The following MORC2 variants were observed in gnomAD, a reference collection of about 807,000 sequenced individuals.
MORC2 encodes MORC family CW-type zinc finger 2, also known as ATPase MORC2.
In MORC2, 30 loss-of-function variants were observed where a neutral mutation model predicts 136.0. The observed-to-expected ratio is 0.22, with a 90% CI of 0.17 to 0.30. The LOEUF is 0.30. Among genes scored for constraint, MORC2 ranks in the 10% least tolerant of loss-of-function variants. The pLI is 1.00. For missense variants in MORC2, 922 were observed against 1,333.1 expected, an observed-to-expected ratio of 0.69 and a Z score of 4.80; for synonymous variants, 439 against 487.0, an observed-to-expected ratio of 0.90 and a Z score of 1.30.
At chr22:30,949,550 G>A (rs1466600946) in intron 5 of MORC2, among the ~76,000 whole-genome samples, 1 of 152,200 alleles carries the variant, frequency 6.6e-6, no homozygotes, top group Middle Eastern at 3.2e-3. Flanking sequence ...GTTTTTGGAT[G>A]TTCATACTTT....
chr22:30,933,228 A>G (rs1436421667), intron 21 of MORC2, among the ~76,000 whole-genome samples, 198 bp from the exon 22 acceptor site: 1 of 152,172 alleles, frequency 6.6e-6, no homozygotes, highest in Non-Finnish European at 1.5e-5. Flanking sequence ...GGTGCCAAAA[A>G]GCAGGAGAAC....
chr22:30,962,093 G>C (rs2041055022), intron 1 of MORC2, among the ~76,000 whole-genome samples: 1 of 151,944 alleles, frequency 6.6e-6, no homozygotes, highest in Non-Finnish European at 1.5e-5. Flanking sequence ...AACTACTTGA[G>C]AGGCTGAGGC....
chr22:30,931,197 C>T (rs2040571206), intron 24 of MORC2, among the ~76,000 whole-genome samples: 1 of 152,232 alleles, frequency 6.6e-6, no homozygotes, highest in African/African-American at 2.4e-5. Context: ...CCAAATCACC[C>T]TCTTAGGGGA....
At position 30,941,164 on chromosome 22, in the gene MORC2, T is replaced by C. The variant is rs2040736708; in HGVS notation, c.824+269A>G. The stretch of plus-strand genomic sequence containing the variant: ...CCCCTTGGCCCTAAAGCCAAGAGAC[T>C]CAGACAGCTCACTGAGCCAGGCAGG... On this transcript the variant is annotated intron_variant, in intron 9 of 25. Transcript: ENST00000397641. The surrounding 1 kb of genome is among the most constrained non-coding windows in gnomAD (Gnocchi z 4.6). Among the ~76,000 whole-genome samples, 1 of 152,050 alleles carries C rather than the reference T, an allele frequency of 6.6e-6. No individual in the cohort carries two copies. The highest frequency in any genetic ancestry group is 2.1e-4 in the South Asian group (1 of 4,824).
intron 6 of MORC2, among the ~76,000 whole-genome samples, chr22:30,944,086 G>C (rs1388326589): frequency 6.6e-6 from 1 of 152,146 alleles, no homozygotes. Flanking sequence ...GAAGCTTTGT[G>C]CTGCAACTAT....
intron 24 of MORC2, among the ~76,000 whole-genome samples, chr22:30,931,761 T>C (rs575096106): frequency 1.3e-5 from 2 of 152,374 alleles, no homozygotes; most frequent in South Asian, 4.1e-4. Context: ...CAGCACTCGC[T>C]GCTCCTGCCC....
At position 30,926,521 on chromosome 22, in the gene MORC2, T is replaced by C. The variant is rs1168102869; in HGVS notation, c.*282A>G. The C allele has an allele frequency of 5.5e-6, 1 of 180,774 alleles. No individual in the cohort carries two copies. Among genetic ancestry groups the C allele is most frequent in the Non-Finnish European group, 9.2e-6 (1 of 109,152 alleles). The allele number at this position is 180,774 out of a possible 1,614,324, so 11.2% of individuals were successfully genotyped here. Reference sequence around the variant, plus strand: ...GCTTAGCAACCCAGTATGGCCAAAGTGGAAAGGTTCTCTGTCCTTTGCAGT... The same window carrying C: ...GCTTAGCAACCCAGTATGGCCAAAGCGGAAAGGTTCTCTGTCCTTTGCAGT... On this transcript the variant is annotated 3_prime_UTR_variant, in exon 26 of 26. Transcript: ENST00000397641.
intron 3 of MORC2, among the ~76,000 whole-genome samples, 160 bp from the exon 4 acceptor site, chr22:30,950,605 T>A (rs1026176281): frequency 6.6e-6 from 1 of 152,128 alleles, no homozygotes; most frequent in Non-Finnish European, 1.5e-5. Flanking sequence ...GTCCTTGAGG[T>A]TGCAAATTCC....
At chr22:30,928,251 G>T in intron 24 of MORC2, 44 bp from the exon 25 acceptor site, 1 of 1,607,216 alleles carries the variant, frequency 6.2e-7, no homozygotes, top group Non-Finnish European at 8.5e-7. Flanking sequence ...AGTTCACAGG[G>T]GTCCCCAGGG....
Position 30,941,352 on chromosome 22 carries a change from T to C in MORC2, c.824+81A>G, listed in dbSNP as rs1347534692. On this transcript the variant is annotated intron_variant, in intron 9 of 25. Transcript: ENST00000397641. The surrounding 1 kb of genome is among the most constrained non-coding windows in gnomAD (Gnocchi z 4.6). ...CACTGCCAGAGCCTCTTATACAGCA[T>C]CCCTCTAACAATGCCCCAGAGAAAC... 1 of 1,563,262 alleles carries C rather than the reference T, an allele frequency of 6.4e-7. No homozygotes were observed. Among genetic ancestry groups the C allele is most frequent in the Non-Finnish European group, 8.7e-7 (1 of 1,153,214 alleles).
In MORC2 at chr22:30,941,090, A is replaced by C. The variant is rs1320580419; in HGVS notation, c.825-253T>G. On this transcript the variant is annotated intron_variant, in intron 9 of 25. Transcript: ENST00000397641. This position sits in a 1 kb window ranked among gnomAD's most constrained non-coding sequence, Gnocchi z 4.6. Reference sequence around the variant, plus strand: ...GTCATTCATCCCACAGCAGAAACAAACCTCAGGAGTAAGCCAAGCCCACTG... The same window carrying C: ...GTCATTCATCCCACAGCAGAAACAACCCTCAGGAGTAAGCCAAGCCCACTG... Among the ~76,000 whole-genome samples the C allele has an allele frequency of 1.3e-5, 2 of 151,934 alleles. No individual in the cohort carries two copies. The highest frequency in any genetic ancestry group is 2.9e-5 in the Non-Finnish European group (2 of 67,982).
At chr22:30,967,218 T>G (rs1371312861) in intron 1 of MORC2, 1 of 986,078 alleles carries the variant, frequency 1.0e-6, no homozygotes, top group Non-Finnish European at 1.2e-6. Flanking sequence ...TCAAGAACCA[T>G]GAACACTGTA....
At chr22:30,967,443 T>C in intron 1 of MORC2, 4 of 995,434 alleles carry the variant, frequency 4.0e-6, no homozygotes, top group African/African-American at 1.7e-5. Flanking sequence ...TAAACCTAAC[T>C]GTTTAGGACG....
At chr22:30,953,238 A>G (rs1380202123) in intron 3 of MORC2, among the ~76,000 whole-genome samples, 4 of 152,232 alleles carry the variant, frequency 2.6e-5, no homozygotes, top group Non-Finnish European at 5.9e-5. Flanking sequence ...TTCTGGATAA[A>G]GAAGAGTCTA....
chr22:30,927,901 G>A, intron 25 of MORC2, 118 bp downstream of exon 25: 1 of 1,271,424 alleles, frequency 7.9e-7, no homozygotes. Flanking sequence ...TGCAGCCAGG[G>A]TGAGAACCAT....
In MORC2 at chr22:30,941,462, C is replaced by T. The variant is rs2040740538; in HGVS notation, c.795G>A (p.Lys265=). 6.2e-7 allele frequency: 1 copy of T among 1,613,908 alleles called. No homozygotes were observed. The highest frequency in any genetic ancestry group is 1.7e-5 in the Admixed American group (1 of 59,996). ...IFIHGHKVQT[K]RLSCCLYKPR... ...GCTTGTACAGGCAGCAGGAGAGCCT[C>T]TTGGTCTGCACCTTGTGCCCATGGA... The change falls in exon 9 of 26, where the codon AAG becomes AAA. Residue 265 remains lysine, a synonymous_variant. Coordinates refer to ENST00000397641, the MANE Select transcript of MORC2 (RefSeq NM_001303256.3). The surrounding 1 kb of genome is among the most constrained non-coding windows in gnomAD (Gnocchi z 4.6).
In MORC2 at chr22:30,925,165, C is replaced by T. The variant is rs555073764; in HGVS notation, c.*1638G>A. 1.9e-4 allele frequency: 63 copies of T among 330,122 alleles called. No homozygotes were observed. The highest frequency in any genetic ancestry group is 1.3e-3 in the South Asian group (54 of 40,584). 20.4% of individuals were successfully genotyped at this position (330,122 alleles called of 1,614,324 possible). ...TCACCAGTAGAACTTTATAGTATTGCGTTTCGATTACATGTGTGTGAATTT... is the reference window on the plus strand; with the variant it reads ...TCACCAGTAGAACTTTATAGTATTGTGTTTCGATTACATGTGTGTGAATTT... On this transcript the variant is annotated 3_prime_UTR_variant, in exon 26 of 26. Transcript: ENST00000397641.
chr22:30,935,174 CCA>C lies in MORC2; in HGVS notation c.1813-15_1813-14del. ...TACGCACAGGTTCCTAAAAAAAGGC[CCA>C]CAGAGAGTGAGAACACTGATCCTAG... On this transcript the variant is annotated splice_polypyrimidine_tract_variant and intron_variant, in intron 18 of 25. Coordinates refer to ENST00000397641, the MANE Select transcript of MORC2 (RefSeq NM_001303256.3). 1 of 1,611,860 alleles carries C rather than the reference CCA, an allele frequency of 6.2e-7. No homozygotes were observed.
intron 1 of MORC2, among the ~76,000 whole-genome samples, chr22:30,961,011 G>A (rs1006052850): frequency 2.0e-5 from 3 of 151,366 alleles, no homozygotes; most frequent in Admixed American, 6.6e-5. Flanking sequence ...GATTACAGGC[G>A]CCTGCCACTA....
Sources: allele counts gnomAD v4.1 joint callset (sites outside exome capture counted in the v4.1 genomes callset), GRCh38; gene constraint gnomAD v4.1.1; non-coding constraint Gnocchi (gnomAD v3.1); transcripts MANE v1.5; gene names NCBI Gene and HGNC (gene_info 2026-07-23, HGNC 2026-07-21).